Variants in PALM2AKAP2 observed in about 807,000 individuals in gnomAD.
PALM2AKAP2 encodes PALM2-AKAP2 fusion protein.
In PALM2AKAP2, 37 loss-of-function variants were observed where a neutral mutation model predicts 71.5. The observed-to-expected ratio is 0.52, with a 90% CI of 0.40 to 0.68. The LOEUF (loss-of-function observed/expected upper bound fraction) is 0.68. Ranked by LOEUF, PALM2AKAP2 falls within the 30% of genes least tolerant of loss-of-function variation. The pLI, the probability that PALM2AKAP2 is intolerant of heterozygous loss-of-function variation, is 0.00. For synonymous variants in PALM2AKAP2, 468 were observed against 478.8 expected (o/e 0.98, Z 0.29); for missense variants, 1,224 against 1,191.8 (o/e 1.03, Z -0.40).
At chr9:109,726,927 A>G (rs115104786) in intron 1 of PALM2AKAP2, among the ~76,000 whole-genome samples, 6,513 of 152,264 alleles carry the variant, frequency 0.043, 192 homozygotes, top group Non-Finnish European at 0.053. Context: ...GATTTAGAAC[A>G]TTTTCATTAT....
intron 1 of PALM2AKAP2, among the ~76,000 whole-genome samples, chr9:109,743,253 G>C (rs1355451910): frequency 2.6e-5 from 4 of 152,166 alleles, no homozygotes; most frequent in Admixed American, 6.5e-5. Context: ...CCAGCACTTA[G>C]GTGGATCCAA....
intron 1 of PALM2AKAP2, among the ~76,000 whole-genome samples, chr9:109,673,809 A>C (rs1489767741): frequency 2.6e-5 from 4 of 152,138 alleles, no homozygotes; most frequent in Admixed American, 2.6e-4. Context: ...TATTTAAAAT[A>C]GTTACATTAT....
chr9:110,069,586 C>T (rs1184346069), intron 1 of PALM2AKAP2, among the ~76,000 whole-genome samples: 4 of 152,144 alleles, frequency 2.6e-5, no homozygotes, highest in African/African-American at 4.8e-5. Flanking sequence ...AATTTCTAGA[C>T]GATCTTGTGG....
At chr9:109,973,461 G>A (rs1191398776) in intron 6 of PALM2AKAP2, among the ~76,000 whole-genome samples, 3 of 152,214 alleles carry the variant, frequency 2.0e-5, no homozygotes, top group South Asian at 4.1e-4. Flanking sequence ...GGGGTACTAG[G>A]AGAACCATAT....
intron 1 of PALM2AKAP2, among the ~76,000 whole-genome samples, chr9:109,757,675 C>T (rs1438211157): frequency 2.0e-5 from 3 of 151,998 alleles, no homozygotes; most frequent in African/African-American, 7.2e-5. Context: ...ATTCAGCCCT[C>T]AAGAAAACCA....
intron 6 of PALM2AKAP2, among the ~76,000 whole-genome samples, chr9:109,977,031 T>TA (rs372182036): frequency 2.1e-3 from 304 of 144,980 alleles, no homozygotes; most frequent in South Asian, 2.4e-3. Flanking sequence ...AGGGCTTGTT[T>TA]AAAAAAAAAA....
rs527755308 is a variant in PALM2AKAP2, at chr9:109,839,475, C to G, written c.46-28016C>G. Among the ~76,000 whole-genome samples, 28 of 152,268 alleles carry G rather than the reference C, an allele frequency of 1.8e-4. No homozygotes were observed. In the South Asian group the frequency reaches 5.0e-3, roughly 27 times the overall value. On this transcript the variant is annotated intron_variant, in intron 1 of 9. Transcript: ENST00000302798. ...GAAGCATTCCCTTTGAAAACTGGCA[C>G]AAGACAGGGATGCCCTCTCTCACCA...
chr9:110,171,160 T>C (rs1024190667), exon 4 of PALM2AKAP2: 1 of 152,206 alleles, frequency 6.6e-6, no homozygotes, highest in Non-Finnish European at 1.5e-5. Context: ...GACAAGAGAA[T>C]GTACAGCTAA....
chr9:109,789,332 G>A (rs373524527), intron 1 of PALM2AKAP2, among the ~76,000 whole-genome samples: 8 of 152,188 alleles, frequency 5.3e-5, no homozygotes, highest in African/African-American at 1.7e-4. Flanking sequence ...GCTAATTCGC[G>A]ATGTGATTGC....
intron 1 of PALM2AKAP2, among the ~76,000 whole-genome samples, chr9:109,819,458 C>T (rs1434656750): frequency 6.6e-6 from 1 of 152,190 alleles, no homozygotes; most frequent in Non-Finnish European, 1.5e-5. Flanking sequence ...AGAGCAATAA[C>T]TCTTTTCTAG....
intron 7 of PALM2AKAP2, among the ~76,000 whole-genome samples, chr9:110,043,065 G>C (rs1454293354): frequency 6.6e-6 from 1 of 151,940 alleles, no homozygotes; most frequent in Non-Finnish European, 1.5e-5. Flanking sequence ...ACCTTTCCCA[G>C]CCTCTGATAA....
intron 1 of PALM2AKAP2, among the ~76,000 whole-genome samples, chr9:110,099,567 G>T (rs981093878): frequency 6.6e-6 from 1 of 152,206 alleles, no homozygotes; most frequent in Admixed American, 6.5e-5. Context: ...AGCCCAGACA[G>T]CACAGGCTTT....
intron 3 of PALM2AKAP2, 75 bp from the exon 10 acceptor site, chr9:110,162,019 C>T (rs1836612550): frequency 1.9e-6 from 3 of 1,569,726 alleles, no homozygotes; most frequent in Non-Finnish European, 2.6e-6. Context: ...GGTGTGGTGC[C>T]TGTTCCCGGC....
chr9:110,003,205 G>A (rs1832714272), intron 6 of PALM2AKAP2, among the ~76,000 whole-genome samples: 3 of 152,068 alleles, frequency 2.0e-5, no homozygotes, highest in Non-Finnish European at 4.4e-5. Context: ...TGCTTTGAAT[G>A]TGTCCCAGAG....
At chr9:109,930,879 A>C (rs1831085874) in intron 5 of PALM2AKAP2, among the ~76,000 whole-genome samples, 1 of 152,182 alleles carries the variant, frequency 6.6e-6, no homozygotes, top group Non-Finnish European at 1.5e-5. Context: ...GTGAGCCAAG[A>C]TAGAGGACAG....
intron 2 of PALM2AKAP2, among the ~76,000 whole-genome samples, chr9:110,151,320 G>A (rs1350937712): frequency 6.6e-6 from 1 of 152,212 alleles, no homozygotes; most frequent in Middle Eastern, 3.4e-3. Flanking sequence ...TGAAGTGCTG[G>A]GATTACAGGC....
At chr9:109,837,926 A>G (rs947743100) in intron 1 of PALM2AKAP2, among the ~76,000 whole-genome samples, 1 of 152,190 alleles carries the variant, frequency 6.6e-6, no homozygotes, top group African/African-American at 2.4e-5. Flanking sequence ...ACACAATAAT[A>G]ATGGGAGACT....
chr9:110,141,783 T>A (rs1299736080), intron 2 of PALM2AKAP2, among the ~76,000 whole-genome samples: 1 of 152,216 alleles, frequency 6.6e-6, no homozygotes, highest in Non-Finnish European at 1.5e-5. Context: ...ACTTCTCTGG[T>A]AGAAATCATG....
chr9:109,664,401 C>T (rs960320869), intron 1 of PALM2AKAP2, among the ~76,000 whole-genome samples: 1 of 152,174 alleles, frequency 6.6e-6, no homozygotes, highest in Non-Finnish European at 1.5e-5. Flanking sequence ...CAAAATCTCT[C>T]AGCATTTGCT....
Sources: allele counts gnomAD v4.1 joint callset (sites outside exome capture counted in the v4.1 genomes callset), GRCh38; gene constraint gnomAD v4.1.1; transcripts MANE v1.5; gene names NCBI Gene and HGNC (gene_info 2026-07-23, HGNC 2026-07-21).